MED12L: variants seen among roughly 807,000 people sequenced by gnomAD.
The protein encoded by MED12L is mediator of RNA polymerase II transcription subunit 12-like protein.
MED12L carries 60 observed loss-of-function variants against 281.3 expected under a neutral mutation model. The ratio of observed to expected loss-of-function variants is 0.21; its 90% CI spans 0.17 to 0.26. The LOEUF (loss-of-function observed/expected upper bound fraction) is 0.26. Among genes scored for constraint, MED12L ranks in the 10% least tolerant of loss-of-function variants. MED12L has a pLI of 1.00. For missense variants in MED12L, 2,146 were observed against 2,680.9 expected (o/e 0.80, Z 4.41); for synonymous variants, 974 against 987.2 (o/e 0.99, Z 0.25).
chr3:151,430,200 A>C, intron 43 of MED12L, 99 bp from the exon 44 acceptor site: 6 of 1,553,100 alleles, frequency 3.9e-6, no homozygotes, highest in Non-Finnish European at 5.3e-6. Flanking sequence ...TGAAGTGTTG[A>C]GAAGTACCTT....
At chr3:151,362,657 A>G (rs778667311) in intron 21 of MED12L, among the ~76,000 whole-genome samples, 2 of 151,830 alleles carry the variant, frequency 1.3e-5, no homozygotes, top group African/African-American at 4.8e-5. Flanking sequence ...AGCTTTTTCT[A>G]TTTTTTTCAC....
At chr3:151,424,644 C>CA (rs1441214038) in intron 43 of MED12L, among the ~76,000 whole-genome samples, 3 of 151,710 alleles carry the variant, frequency 2.0e-5, no homozygotes, top group Non-Finnish European at 4.4e-5. Context: ...CAAAACAAAA[C>CA]AAAAAAACTC....
At chr3:151,345,932 A>G (rs1270904011) in intron 16 of MED12L, among the ~76,000 whole-genome samples, 1 of 152,194 alleles carries the variant, frequency 6.6e-6, no homozygotes, top group East Asian at 1.9e-4. Context: ...AGTAACACCT[A>G]GCATGAGTTC....
chr3:151,346,948 A>G (rs932866638), intron 16 of MED12L, among the ~76,000 whole-genome samples: 1 of 152,186 alleles, frequency 6.6e-6, no homozygotes, highest in Non-Finnish European at 1.5e-5. Flanking sequence ...ATAGATTAAT[A>G]ATAATTACTT....
At chr3:151,375,716 C>G (rs1248548996) in intron 27 of MED12L, among the ~76,000 whole-genome samples, 1 of 151,990 alleles carries the variant, frequency 6.6e-6, no homozygotes, top group East Asian at 1.9e-4. Context: ...TTAGAAAAAA[C>G]TGACACAAAA....
intron 11 of MED12L, among the ~76,000 whole-genome samples, chr3:151,176,125 C>T (rs189340877): frequency 3.9e-5 from 6 of 152,252 alleles, no homozygotes; most frequent in Non-Finnish European, 8.8e-5. Context: ...GAGGTATTGG[C>T]GTAAGAGCCC....
At position 151,388,086 on chromosome 3, in the gene MED12L, C is replaced by T. The variant is rs1425223909; in HGVS notation, c.5365C>T (p.Leu1789=). 6.2e-7 allele frequency: 1 copy of T among 1,613,876 alleles called. No individual in the cohort carries two copies. The highest frequency in any genetic ancestry group is 8.5e-7 in the Non-Finnish European group (1 of 1,179,974). Residue 1789 remains leucine (L), a synonymous_variant, in exon 37 of 45, where the codon CTG becomes TTG. Transcript: ENST00000687756. The part of the protein sequence containing the change: ...SQEPERKSAE[L]SDQGKTTTDE... ...GGAACCAGAAAGGAAGTCCGCTGAG[C>T]TGTCAGATCAGGGAAAAACCACAAC...
chr3:151,214,302 G>A, intron 16 of MED12L: 1 of 1,612,916 alleles, frequency 6.2e-7, no homozygotes, highest in African/African-American at 1.3e-5. Flanking sequence ...GCTGTGTGGA[G>A]GTTGAATTGA....
At chr3:151,276,141 G>A (rs1254190003) in intron 16 of MED12L, among the ~76,000 whole-genome samples, 1 of 152,216 alleles carries the variant, frequency 6.6e-6, no homozygotes, top group Non-Finnish European at 1.5e-5. Context: ...TCTGTCCCAG[G>A]ACATGGGGTC....
At chr3:151,413,715 C>A (rs1389816943) in intron 42 of MED12L, among the ~76,000 whole-genome samples, 1 of 152,166 alleles carries the variant, frequency 6.6e-6, no homozygotes, top group Non-Finnish European at 1.5e-5. Flanking sequence ...AAAAACATTT[C>A]TATAACACCT....
intron 16 of MED12L, among the ~76,000 whole-genome samples, chr3:151,342,665 C>T (rs1428771726): frequency 1.3e-5 from 2 of 152,102 alleles, no homozygotes; most frequent in Non-Finnish European, 2.9e-5. Context: ...TCACTTCAGA[C>T]ACATAATAAT....
chr3:151,239,457 A>T (rs765284525), intron 16 of MED12L, among the ~76,000 whole-genome samples: 1 of 152,246 alleles, frequency 6.6e-6, no homozygotes, highest in African/African-American at 2.4e-5. Context: ...GGAAGTGGAT[A>T]TGAGAATCCA....
At position 151,419,922 on chromosome 3, in the gene MED12L, G is replaced by A. The variant is rs572564352; in HGVS notation, c.6408+3500G>A. 1.7e-4 allele frequency among the ~76,000 whole-genome samples: 26 copies of A among 152,240 alleles called. 1 individual carries two copies. The South Asian group carries it at 5.4e-3, about 32-fold the overall frequency. ...AACATGTTTTTAACAAAAGGAGGAA[G>A]TACTCATGACAGTTACAGTCCGCTT... On this transcript the variant is annotated intron_variant, in intron 43 of 44. Coordinates refer to ENST00000687756, the MANE Select transcript of MED12L (RefSeq NM_001393769.1).
chr3:151,304,530 A>G (rs1746377217), intron 16 of MED12L, among the ~76,000 whole-genome samples: 1 of 151,906 alleles, frequency 6.6e-6, no homozygotes, highest in Non-Finnish European at 1.5e-5. Context: ...AGGTCATGCC[A>G]TTGCACTCCA....
chr3:151,209,639 T>C (rs1235662273), intron 16 of MED12L, among the ~76,000 whole-genome samples: 1 of 152,186 alleles, frequency 6.6e-6, no homozygotes, highest in East Asian at 1.9e-4. Flanking sequence ...TGATCTGTTA[T>C]ATTTGTAATT....
At chr3:151,214,092 A>C (rs756789856) in intron 16 of MED12L, 1 of 1,614,164 alleles carries the variant, frequency 6.2e-7, no homozygotes, top group South Asian at 1.1e-5. Flanking sequence ...GGATCTTGAA[A>C]GGAAAAGTCA....
intron 16 of MED12L, among the ~76,000 whole-genome samples, chr3:151,194,947 G>A (rs28594277): frequency 0.22 from 34,112 of 151,976 alleles, 4,209 homozygotes; most frequent in African/African-American, 0.34. Context: ...GGCGGATCAC[G>A]AGGTCAGGAG....
chr3:151,242,346 A>G (rs541229588), intron 16 of MED12L, among the ~76,000 whole-genome samples: 1 of 152,376 alleles, frequency 6.6e-6, no homozygotes, highest in East Asian at 1.9e-4. Flanking sequence ...AAAAGACAGC[A>G]GTAACCTCTG....
intron 11 of MED12L, among the ~76,000 whole-genome samples, chr3:151,184,803 T>A (rs1723079277): frequency 6.6e-6 from 1 of 152,204 alleles, no homozygotes; most frequent in African/African-American, 2.4e-5. Context: ...TTATTTCCAT[T>A]GGGACGGGTG....
Sources: allele counts gnomAD v4.1 joint callset (sites outside exome capture counted in the v4.1 genomes callset), GRCh38; gene constraint gnomAD v4.1.1; transcripts MANE v1.5; gene names NCBI Gene and HGNC (gene_info 2026-07-23, HGNC 2026-07-21).